Variants in PPP2R2A observed in about 807,000 individuals in gnomAD.
PPP2R2A encodes protein phosphatase 2 regulatory subunit Balpha.
A neutral mutation model predicts 53.2 loss-of-function variants in PPP2R2A; 9 were observed. The ratio of observed to expected loss-of-function variants is 0.17; its 90% CI spans 0.10 to 0.30. The LOEUF is 0.30. Among genes scored for constraint, PPP2R2A ranks in the 10% least tolerant of loss-of-function variants. The probability of loss-of-function intolerance (pLI) is 1.00; values close to 1 mark genes in which losing one functional copy is unlikely to be tolerated. For synonymous variants in PPP2R2A, 169 were observed against 174.2 expected (o/e 0.97, Z 0.23); for missense variants, 235 against 534.6 (o/e 0.44, Z 5.53).
At chr8:26,312,515 A>G (rs1447137187) in intron 2 of PPP2R2A, among the ~76,000 whole-genome samples, 1 of 152,200 alleles carries the variant, frequency 6.6e-6, no homozygotes, top group Non-Finnish European at 1.5e-5. Context: ...AGCATTTTTG[A>G]CAGAATAAAT....
chr8:26,349,425 G>A lies in PPP2R2A; in HGVS notation c.181-5043G>A, dbSNP rs917117931. On this transcript the variant is annotated intron_variant, in intron 3 of 9. Coordinates refer to ENST00000380737, the MANE Select transcript of PPP2R2A (RefSeq NM_002717.4). ...GGGTTACTTCCACCTTTTGGCTCTT[G>A]AGAATAAAGCTGTAATGGGCATGGC... Among the ~76,000 whole-genome samples the A allele has an allele frequency of 2.6e-5, 4 of 152,180 alleles. No individual in the cohort carries two copies. The East Asian group carries it at 5.8e-4, about 22-fold the overall frequency.
At chr8:26,348,253 C>T (rs371002748) in intron 3 of PPP2R2A, among the ~76,000 whole-genome samples, 10 of 152,150 alleles carry the variant, frequency 6.6e-5, no homozygotes, top group South Asian at 2.1e-4. Flanking sequence ...ATTTTTTCCA[C>T]GGAGCAAAGT....
chr8:26,355,949 C>A (rs1804762863), intron 4 of PPP2R2A, among the ~76,000 whole-genome samples: 1 of 151,142 alleles, frequency 6.6e-6, no homozygotes, highest in Admixed American at 6.6e-5. Flanking sequence ...TCTCTTTGTT[C>A]TTATGAAAAA....
intron 2 of PPP2R2A, among the ~76,000 whole-genome samples, chr8:26,300,167 G>A (rs1488821501): frequency 2.0e-5 from 3 of 152,128 alleles, no homozygotes; most frequent in African/African-American, 7.2e-5. Flanking sequence ...ACATATTGCT[G>A]ACATTTTGTC....
Position 26,362,554 on chromosome 8 carries a change from AAAAAC to A in PPP2R2A, c.638-128_638-124del, listed in dbSNP as rs1805164059. 1 of 837,714 alleles carries A rather than the reference AAAAAC, an allele frequency of 1.2e-6. No individual in the cohort carries two copies. Among genetic ancestry groups the A allele is most frequent in the Non-Finnish European group, 1.8e-6 (1 of 550,300 alleles). 51.9% of individuals were successfully genotyped at this position (837,714 alleles called of 1,614,324 possible). On this transcript the variant is annotated intron_variant, in intron 6 of 9. Transcript: ENST00000380737. This position sits in a 1 kb window ranked among gnomAD's most constrained non-coding sequence, Gnocchi z 4.4. ...TAATCCCTTTGGAATTTATACTCATAAAAACAGTGGAGTGCAATTCAGAATTAATA... is the reference window on the plus strand; with the variant it reads ...TAATCCCTTTGGAATTTATACTCATAAGTGGAGTGCAATTCAGAATTAATA...
At position 26,293,721 on chromosome 8, in the gene PPP2R2A, AGAT is replaced by A; in HGVS notation, c.71_73del (p.Asp24del). 1 of 1,613,798 alleles carries A rather than the reference AGAT, an allele frequency of 6.2e-7. No individual in the cohort carries two copies. Among genetic ancestry groups the A allele is most frequent in the Non-Finnish European group, 8.5e-7 (1 of 1,179,822 alleles). Reference sequence around the variant, plus strand: ...GTTTTTCTCAGGTGAAAGGAGCAGTAGATGATGATGTAGCAGAAGGTAAGAAAG... The same window carrying A: ...GTTTTTCTCAGGTGAAAGGAGCAGTAGATGATGTAGCAGAAGGTAAGAAAG... On this transcript the variant is annotated inframe_deletion, in exon 2 of 10. Coordinates refer to ENST00000380737, the MANE Select transcript of PPP2R2A (RefSeq NM_002717.4).
chr8:26,309,178 G>A (rs1176923323), intron 2 of PPP2R2A, among the ~76,000 whole-genome samples: 2 of 152,094 alleles, frequency 1.3e-5, no homozygotes, highest in African/African-American at 4.8e-5. Context: ...CTTTAATAAT[G>A]CTAACAATTG....
Position 26,370,620 on chromosome 8 carries a change from G to C in PPP2R2A, c.*207G>C. 1.6e-6 allele frequency: 1 copy of C among 613,936 alleles called. No individual in the cohort carries two copies. Among genetic ancestry groups the C allele is most frequent in the Non-Finnish European group, 2.8e-6 (1 of 356,102 alleles). The allele number at this position is 613,936 out of a possible 1,614,324, so 38.0% of individuals were successfully genotyped here. A position where few individuals can be genotyped will look rare whatever the true frequency, so the allele number is the denominator to read the frequency against. On this transcript the variant is annotated 3_prime_UTR_variant, in exon 10 of 10. Coordinates refer to ENST00000380737, the MANE Select transcript of PPP2R2A (RefSeq NM_002717.4). This position sits in a 1 kb window ranked among gnomAD's most constrained non-coding sequence, Gnocchi z 6.1. ...GTTCTCCATGTCTGCTAGCCATTTAGGTAAGGGTAGGGCACTTTTAATTTA... is the reference window on the plus strand; with the variant it reads ...GTTCTCCATGTCTGCTAGCCATTTACGTAAGGGTAGGGCACTTTTAATTTA...
intron 3 of PPP2R2A, among the ~76,000 whole-genome samples, chr8:26,345,068 G>A (rs1324330327): frequency 6.6e-6 from 1 of 152,148 alleles, no homozygotes; most frequent in Non-Finnish European, 1.5e-5. Flanking sequence ...CCCATCACAT[G>A]AGGCCAGGTG....
intron 3 of PPP2R2A, among the ~76,000 whole-genome samples, chr8:26,350,239 A>G (rs988230934): frequency 1.3e-5 from 2 of 151,746 alleles, no homozygotes; most frequent in African/African-American, 4.8e-5. Flanking sequence ...AAATTTTTGT[A>G]TTTTTGGTAG....
intron 3 of PPP2R2A, among the ~76,000 whole-genome samples, chr8:26,347,874 T>C (rs971989879): frequency 6.6e-6 from 1 of 150,834 alleles, no homozygotes; most frequent in African/African-American, 2.5e-5. Context: ...TCGTTATCAT[T>C]AGTTTAGAGA....
chr8:26,363,721 T>G lies in PPP2R2A; in HGVS notation c.803T>G (p.Leu268Trp). Residue 268 changes from leucine (L) to tryptophan (W), a missense_variant and splice_region_variant, in exon 8 of 10, where the codon TTG becomes TGG. Transcript: ENST00000380737. ...ASALCDRHSK[L>W]FEEPEDPSNR... ...TTGTGTTGTTTTGTTTTGTTTTTAG[T>G]GTTTGAAGAACCTGAAGATCCCAGT... is the stretch of plus-strand genomic sequence containing the variant. The G allele has an allele frequency of 6.3e-7, 1 of 1,577,506 alleles. No homozygotes were observed. Among genetic ancestry groups the G allele is most frequent in the Non-Finnish European group, 8.6e-7 (1 of 1,158,672 alleles).
intron 2 of PPP2R2A, among the ~76,000 whole-genome samples, chr8:26,309,952 G>C (rs531666923): frequency 2.0e-4 from 31 of 152,064 alleles, no homozygotes; most frequent in South Asian, 8.3e-4. Context: ...TTACCAAAGT[G>C]TGACACAGAG....
rs1052259581 is a variant in PPP2R2A, at chr8:26,291,613, G to C, written c.-207G>C. 1.7e-6 allele frequency: 1 copy of C among 579,730 alleles called. No homozygotes were observed. Among genetic ancestry groups the C allele is most frequent in the Non-Finnish European group, 3.0e-6 (1 of 330,514 alleles). The allele number at this position is 579,730 out of a possible 1,614,324, so 35.9% of individuals were successfully genotyped here. A position where few individuals can be genotyped will look rare whatever the true frequency, so the allele number is the denominator to read the frequency against. The stretch of plus-strand genomic sequence containing the variant: ...CGCCGCTGCCGGAGAAAGAGCACGA[G>C]CGGGGAAGCCCCAGAGTGAAATCTA... On this transcript the variant is annotated 5_prime_UTR_variant, in exon 1 of 10. Transcript: ENST00000380737.
intron 2 of PPP2R2A, among the ~76,000 whole-genome samples, chr8:26,317,285 A>G (rs1258318801): frequency 1.3e-5 from 2 of 152,178 alleles, no homozygotes; most frequent in African/African-American, 4.8e-5. Context: ...TCCAACCCCA[A>G]AAGAGATGTA....
intron 3 of PPP2R2A, among the ~76,000 whole-genome samples, chr8:26,342,087 ATT>A (rs1468790981): frequency 1.3e-5 from 2 of 152,200 alleles, no homozygotes; most frequent in African/African-American, 4.8e-5. Context: ...TTTAGCTGTC[ATT>A]TAATAGCATT....
At chr8:26,300,718 G>T (rs1195784818) in intron 2 of PPP2R2A, among the ~76,000 whole-genome samples, 1 of 152,114 alleles carries the variant, frequency 6.6e-6, no homozygotes, top group Non-Finnish European at 1.5e-5. Context: ...GCCGGGTGTG[G>T]TGGTGCGCGC....
At chr8:26,324,733 A>G (rs1314881435) in intron 2 of PPP2R2A, among the ~76,000 whole-genome samples, 1 of 152,114 alleles carries the variant, frequency 6.6e-6, no homozygotes, top group South Asian at 2.1e-4. Context: ...AAAGCTGCAG[A>G]CAATCCACAC....
At chr8:26,350,460 T>TG (rs1482383845) in intron 3 of PPP2R2A, 1 of 152,284 alleles carries the variant, frequency 6.6e-6, no homozygotes, top group African/African-American at 2.4e-5. Flanking sequence ...TGTGCAGTGG[T>TG]GCGCTTACAG....
Sources: gnomAD v4.1 joint callset for allele counts (sites outside exome capture counted in the v4.1 genomes callset) on GRCh38, gnomAD v4.1.1 for gene constraint, Gnocchi (gnomAD v3.1) non-coding constraint, MANE v1.5 for transcripts, NCBI Gene and HGNC (gene_info 2026-07-23, HGNC 2026-07-21) for gene names.